NCOA1: variants seen among roughly 807,000 people sequenced by gnomAD.
NCOA1 encodes nuclear receptor coactivator 1.
In NCOA1, 35 loss-of-function variants were observed where a neutral mutation model predicts 150.9. The ratio of observed to expected loss-of-function variants is 0.23; its 90% CI spans 0.18 to 0.31. The LOEUF (loss-of-function observed/expected upper bound fraction) is 0.31, where lower values mean the gene tolerates loss of function less well. NCOA1 is among the 10% of genes least tolerant of loss of function. NCOA1 has a pLI of 1.00. For missense variants in NCOA1, 1,491 were observed against 1,749.3 expected (o/e 0.85, Z 2.63); for synonymous variants, 590 against 630.0 (o/e 0.94, Z 0.95).
intron 3 of NCOA1, among the ~76,000 whole-genome samples, chr2:24,587,065 A>G (rs1267134214): frequency 1.3e-5 from 2 of 151,920 alleles, no homozygotes; most frequent in African/African-American, 4.8e-5. Flanking sequence ...GTGCAGCTTC[A>G]TAACAGACTG....
intron 8 of NCOA1, among the ~76,000 whole-genome samples, chr2:24,689,676 C>G (rs1357216334): frequency 3.3e-5 from 5 of 152,212 alleles, no homozygotes; most frequent in African/African-American, 4.8e-5. Context: ...CAGGCGTGAG[C>G]CGCCACGCGT....
At chr2:24,621,262 C>T (rs1468648797) in intron 3 of NCOA1, among the ~76,000 whole-genome samples, 1 of 151,990 alleles carries the variant, frequency 6.6e-6, no homozygotes, top group East Asian at 1.9e-4. Flanking sequence ...CTTCAGTCCT[C>T]ATCTTTCCTG....
At chr2:24,617,485 C>T (rs565923156) in intron 3 of NCOA1, among the ~76,000 whole-genome samples, 1 of 152,094 alleles carries the variant, frequency 6.6e-6, no homozygotes, top group Non-Finnish European at 1.5e-5. Context: ...TTTCTGCACA[C>T]GTTCTGTTGG....
At chr2:24,565,594 C>G (rs1429783696) in intron 2 of NCOA1, among the ~76,000 whole-genome samples, 1 of 152,186 alleles carries the variant, frequency 6.6e-6, no homozygotes, top group Non-Finnish European at 1.5e-5. Flanking sequence ...TTTCACTGGC[C>G]AGAAACTTCT....
At position 24,637,684 on chromosome 2, in the gene NCOA1, T is replaced by TTGTTC. The variant is rs1405876501; in HGVS notation, c.-174-6278_-174-6277insCTGTT. Among the ~76,000 whole-genome samples, 3 of 150,910 alleles carry TTGTTC rather than the reference T, an allele frequency of 2.0e-5. No individual in the cohort carries two copies. The East Asian group carries it at 5.8e-4, about 29-fold the overall frequency. Reference sequence around the variant, plus strand: ...AACTATACAATATATTGGGGGTTTTTTGTTTTGTTTTGTTTTGTTTTGTTT... The same window carrying TTGTTC: ...AACTATACAATATATTGGGGGTTTTTTGTTCTGTTTTGTTTTGTTTTGTTTTGTTT... On this transcript the variant is annotated intron_variant, in intron 3 of 22. Coordinates refer to ENST00000348332, the MANE Select transcript of NCOA1 (RefSeq NM_003743.5).
intron 1 of NCOA1, among the ~76,000 whole-genome samples, chr2:24,534,109 C>A (rs1665017934): frequency 6.6e-6 from 1 of 151,992 alleles, no homozygotes; most frequent in East Asian, 1.9e-4. Context: ...TAATTATTGC[C>A]TCAATTTCAG....
At position 24,491,300 on chromosome 2, in the gene NCOA1, G is replaced by C. The variant is rs4999427; in HGVS notation, c.-698G>C. On this transcript the variant is annotated 5_prime_UTR_variant, in exon 1 of 23. Transcript: ENST00000348332. ...GGAGAACATGGCGGCCGCGGAGAGCGGCTGAAATGCCTGTTCTTCAGGCCG... is the reference window on the plus strand; with the variant it reads ...GGAGAACATGGCGGCCGCGGAGAGCCGCTGAAATGCCTGTTCTTCAGGCCG... 1.4e-5 allele frequency among the ~76,000 whole-genome samples: 2 copies of C among 147,108 alleles called. No homozygotes were observed. The highest frequency in any genetic ancestry group is 3.0e-5 in the Non-Finnish European group (2 of 66,136).
chr2:24,549,025 A>AC (rs1213429884), intron 1 of NCOA1, among the ~76,000 whole-genome samples: 1 of 151,542 alleles, frequency 6.6e-6, no homozygotes, highest in Non-Finnish European at 1.5e-5. Flanking sequence ...GGGGGCTCTG[A>AC]CCCCCACATT....
In NCOA1 at chr2:24,707,184, A is replaced by C. The variant is rs773254332; in HGVS notation, c.1714A>C (p.Arg572=). The change falls in exon 13 of 23, where the codon AGA becomes CGA. Residue 572 remains arginine (R), a synonymous_variant. Coordinates refer to ENST00000348332, the MANE Select transcript of NCOA1 (RefSeq NM_003743.5). ...RQMSSQNSPS[R]LNIQPAKAES... is the part of the protein sequence containing the mutation. ...GATGAGCTCACAGAATTCACCTAGC[A>C]GATTAAATATACAACCAGCAAAAGC... is the stretch of plus-strand genomic sequence containing the variant. 1 of 1,614,222 alleles carries C rather than the reference A, an allele frequency of 6.2e-7. No homozygotes were observed. The highest frequency in any genetic ancestry group is 1.3e-5 in the African/African-American group (1 of 75,060).
intron 1 of NCOA1, among the ~76,000 whole-genome samples, chr2:24,516,445 G>A (rs1490251006): frequency 6.6e-6 from 1 of 151,222 alleles, no homozygotes; most frequent in Non-Finnish European, 1.5e-5. Flanking sequence ...GCTAGCCTCG[G>A]CCTCCCAAAG....
chr2:24,558,485 C>G (rs117485139), intron 1 of NCOA1, among the ~76,000 whole-genome samples: 11,591 of 152,158 alleles, frequency 0.076, 784 homozygotes, highest in East Asian at 0.31. Flanking sequence ...AGTGGAAACC[C>G]CTGATAAAAC....
At chr2:24,496,439 T>C (rs1326802491) in intron 1 of NCOA1, among the ~76,000 whole-genome samples, 1 of 152,256 alleles carries the variant, frequency 6.6e-6, no homozygotes, top group Non-Finnish European at 1.5e-5. Context: ...TGTTCCATTT[T>C]CTTCATTTAA....
At chr2:24,628,302 G>GA (rs56176673) in intron 3 of NCOA1, among the ~76,000 whole-genome samples, 21,826 of 141,728 alleles carry the variant, frequency 0.15, 1,851 homozygotes, top group Non-Finnish European at 0.2. Flanking sequence ...CTCCATCTCA[G>GA]AAAAAAAAAA....
intron 3 of NCOA1, among the ~76,000 whole-genome samples, chr2:24,585,842 G>A (rs1487279396): frequency 6.6e-6 from 1 of 151,964 alleles, no homozygotes; most frequent in Non-Finnish European, 1.5e-5. Context: ...TAATGTTATT[G>A]TAGCTTTAAA....
chr2:24,738,473 A>G (rs1026475646), intron 17 of NCOA1, among the ~76,000 whole-genome samples: 4 of 152,194 alleles, frequency 2.6e-5, no homozygotes, highest in African/African-American at 9.7e-5. Flanking sequence ...AGATACTGTT[A>G]AGGCATGCCT....
At chr2:24,538,455 C>A (rs916091896) in intron 1 of NCOA1, among the ~76,000 whole-genome samples, 1 of 152,186 alleles carries the variant, frequency 6.6e-6, no homozygotes, top group African/African-American at 2.4e-5. Flanking sequence ...ATCAGAAGAT[C>A]TGGATGCAAA....
intron 1 of NCOA1, among the ~76,000 whole-genome samples, chr2:24,510,613 G>C (rs1425755563): frequency 1.3e-5 from 2 of 152,152 alleles, no homozygotes; most frequent in Non-Finnish European, 2.9e-5. Flanking sequence ...CGTAATCCCA[G>C]ACTGTTGGGA....
At chr2:24,722,615 T>C (rs1674407773) in intron 14 of NCOA1, among the ~76,000 whole-genome samples, 1 of 152,166 alleles carries the variant, frequency 6.6e-6, no homozygotes, top group African/African-American at 2.4e-5. Context: ...TTGACATCAC[T>C]GGAATAAGTG....
intron 3 of NCOA1, among the ~76,000 whole-genome samples, chr2:24,597,141 A>G (rs1667918012): frequency 6.6e-6 from 1 of 152,170 alleles, no homozygotes; most frequent in Admixed American, 6.6e-5. Flanking sequence ...GTGGGGTTCT[A>G]TTGATATAGG....
Sources: gnomAD v4.1 joint callset for allele counts (sites outside exome capture counted in the v4.1 genomes callset) on GRCh38, gnomAD v4.1.1 for gene constraint, MANE v1.5 for transcripts, NCBI Gene and HGNC (gene_info 2026-07-23, HGNC 2026-07-21) for gene names.